The following DENND5B variants were observed in gnomAD, a reference collection of about 807,000 sequenced individuals.
The protein encoded by DENND5B is DENN domain containing 5B, also known as DENN domain-containing protein 5B.
DENND5B carries 34 observed loss-of-function variants against 140.6 expected under a neutral mutation model. The ratio of observed to expected loss-of-function variants is 0.24; its 90% CI spans 0.18 to 0.32. DENND5B has a LOEUF of 0.32. DENND5B is among the 10% of genes least tolerant of loss of function. The pLI is 1.00. For synonymous variants in DENND5B, 551 were observed against 562.1 expected (o/e 0.98, Z 0.28); for missense variants, 1,142 against 1,560.2 (o/e 0.73, Z 4.52).
chr12:31,445,087 T>C (rs1288997961), intron 6 of DENND5B, among the ~76,000 whole-genome samples: 1 of 152,148 alleles, frequency 6.6e-6, no homozygotes, highest in Admixed American at 6.5e-5. Context: ...AGAGGAAAAG[T>C]TGCTGTCAAA....
chr12:31,587,925 G>A (rs943028115), intron 1 of DENND5B, among the ~76,000 whole-genome samples: 1 of 152,032 alleles, frequency 6.6e-6, no homozygotes, highest in African/African-American at 2.4e-5. Context: ...ACCCAACATG[G>A]CAGCCACAAC....
intron 5 of DENND5B, among the ~76,000 whole-genome samples, chr12:31,450,343 T>A (rs564406976): frequency 1.4e-5 from 2 of 142,012 alleles, no homozygotes; most frequent in South Asian, 4.9e-4. Context: ...AGAAAAAATA[T>A]CTGATGAAGT....
intron 1 of DENND5B, among the ~76,000 whole-genome samples, chr12:31,582,719 C>A (rs764290694): frequency 1.3e-5 from 2 of 152,290 alleles, no homozygotes; most frequent in African/African-American, 4.8e-5. Flanking sequence ...TAAAGGCCTG[C>A]CCGATAGTGT....
In DENND5B at chr12:31,387,474, G is replaced by T; in HGVS notation, c.*129C>A. The T allele has an allele frequency of 1.1e-6, 1 of 903,762 alleles. No homozygotes were observed. The highest frequency in any genetic ancestry group is 1.7e-6 in the Non-Finnish European group (1 of 599,916). 56.0% of individuals were successfully genotyped at this position (903,762 alleles called of 1,614,324 possible). A position where few individuals can be genotyped will look rare whatever the true frequency, so the allele number is the denominator to read the frequency against. On this transcript the variant is annotated 3_prime_UTR_variant, in exon 21 of 21. Transcript: ENST00000389082. ...CAACATTTTGCCTTGTCTGTAGAGTGAGGATTGTTCCAAATGGGGCATATG... is the reference window on the plus strand; with the variant it reads ...CAACATTTTGCCTTGTCTGTAGAGTTAGGATTGTTCCAAATGGGGCATATG...
At chr12:31,489,097 T>C (rs1470056779) in intron 2 of DENND5B, among the ~76,000 whole-genome samples, 1 of 152,226 alleles carries the variant, frequency 6.6e-6, no homozygotes, top group Non-Finnish European at 1.5e-5. Context: ...AATCATATAC[T>C]GTATAACCAC....
chr12:31,552,270 T>A (rs1949094327), intron 1 of DENND5B, among the ~76,000 whole-genome samples: 1 of 152,222 alleles, frequency 6.6e-6, no homozygotes, highest in Non-Finnish European at 1.5e-5. Flanking sequence ...GTTTTTGGCA[T>A]GAAGGGCTGC....
At position 31,383,837 on chromosome 12, in the gene DENND5B, CT is replaced by C. The variant is rs1334328130; in HGVS notation, c.*3765del. 4 of 152,072 alleles carry C rather than the reference CT, an allele frequency of 2.6e-5. No homozygotes were observed. The East Asian group carries it at 7.7e-4, about 29-fold the overall frequency. The allele number at this position is 152,072 out of a possible 1,614,324, so 9.4% of individuals were successfully genotyped here. A position where few individuals can be genotyped will look rare whatever the true frequency, so the allele number is the denominator to read the frequency against. ...TAGGGGTTTCATGACATATGAAAAA[CT>C]TTGGGAAAATAAATTTTTCAAGAGG... is the stretch of plus-strand genomic sequence containing the variant. On this transcript the variant is annotated 3_prime_UTR_variant, in exon 21 of 21. Coordinates refer to ENST00000389082, the MANE Select transcript of DENND5B (RefSeq NM_144973.4).
intron 1 of DENND5B, among the ~76,000 whole-genome samples, chr12:31,573,598 C>T (rs984911032): frequency 6.6e-6 from 1 of 152,162 alleles, no homozygotes. Flanking sequence ...AATGTAATTT[C>T]GTTCAATATT....
At chr12:31,432,876 C>T in intron 8 of DENND5B, 1 of 336,282 alleles carries the variant, frequency 3.0e-6, no homozygotes, top group Non-Finnish European at 5.4e-6. Flanking sequence ...CTATAGGAGA[C>T]ATAGTAACTA....
intron 3 of DENND5B, among the ~76,000 whole-genome samples, chr12:31,470,183 C>T (rs941265692): frequency 1.5e-5 from 2 of 136,736 alleles, no homozygotes; most frequent in African/African-American, 2.7e-5. Context: ...GGTGCGATCT[C>T]GGCTCACTGC....
rs896197285 is a variant in DENND5B, at chr12:31,590,691, C to G, written c.127+15G>C. 1.0e-5 allele frequency: 15 copies of G among 1,465,572 alleles called. No individual in the cohort carries two copies. Among genetic ancestry groups the G allele is most frequent in the Non-Finnish European group, 1.3e-5 (14 of 1,113,696 alleles). 90.8% of individuals were successfully genotyped at this position (1,465,572 alleles called of 1,614,324 possible). On this transcript the variant is annotated intron_variant, in intron 1 of 20. Transcript: ENST00000389082. ...CCCCTGAGGGGGCTCAGCGCCGCCG[C>G]AGCCCTGGCCTTACCCGCCAGCTCG...
At chr12:31,542,159 G>C (rs1373041095) in intron 1 of DENND5B, among the ~76,000 whole-genome samples, 1 of 152,002 alleles carries the variant, frequency 6.6e-6, no homozygotes, top group African/African-American at 2.4e-5. Context: ...GTGGTGGTGG[G>C]CACTTGTAGT....
chr12:31,413,946 C>A lies in DENND5B; in HGVS notation c.2553-382G>T, dbSNP rs556647847. Among the ~76,000 whole-genome samples the A allele has an allele frequency of 2.3e-3, 351 of 152,246 alleles. 1 individual carries two copies. The highest frequency in any genetic ancestry group is 8.0e-3 in the African/African-American group (334 of 41,552). On this transcript the variant is annotated intron_variant, in intron 12 of 20. Coordinates refer to ENST00000389082, the MANE Select transcript of DENND5B (RefSeq NM_144973.4). ...CAAGTTTCTTTTCAAAATAACTGTT[C>A]TATAGCATAATTAAATATCAGTCAC...
intron 1 of DENND5B, chr12:31,500,734 A>C (rs1403266304): frequency 6.1e-6 from 1 of 163,988 alleles, no homozygotes; most frequent in Non-Finnish European, 1.3e-5. Context: ...ATTGATTAGA[A>C]TGGCTTAAGT....
chr12:31,485,250 T>C (rs1946255192), intron 2 of DENND5B, among the ~76,000 whole-genome samples: 1 of 152,232 alleles, frequency 6.6e-6, no homozygotes, highest in African/African-American at 2.4e-5. Context: ...AATTGGGCTA[T>C]GCAGTCATGC....
intron 14 of DENND5B, among the ~76,000 whole-genome samples, chr12:31,405,556 A>ATGTG (rs1942081531): frequency 6.6e-6 from 1 of 150,668 alleles, no homozygotes; most frequent in Admixed American, 6.6e-5. Context: ...GTATGTATGT[A>ATGTG]TGTATTTTTG....
intron 4 of DENND5B, among the ~76,000 whole-genome samples, chr12:31,456,450 G>T (rs1944784663): frequency 6.6e-6 from 1 of 151,986 alleles, no homozygotes; most frequent in African/African-American, 2.4e-5. Context: ...ATCTCCTCTG[G>T]ATCTTCTCTG....
At chr12:31,473,508 G>A (rs1001333270) in intron 3 of DENND5B, among the ~76,000 whole-genome samples, 3 of 152,162 alleles carry the variant, frequency 2.0e-5, no homozygotes, top group East Asian at 1.9e-4. Flanking sequence ...CTGAGCTCAC[G>A]CAGTGTAGAA....
chr12:31,577,601 C>A (rs766287708), intron 1 of DENND5B, among the ~76,000 whole-genome samples: 11 of 148,706 alleles, frequency 7.4e-5, no homozygotes, highest in Non-Finnish European at 1.2e-4. Flanking sequence ...GTCCCAGCTA[C>A]TCAGGAGGCT....
Sources: allele counts gnomAD v4.1 joint callset (sites outside exome capture counted in the v4.1 genomes callset), GRCh38; gene constraint gnomAD v4.1.1; transcripts MANE v1.5; gene names NCBI Gene and HGNC (gene_info 2026-07-23, HGNC 2026-07-21).